Variants in ATP11C observed in about 807,000 individuals in gnomAD.
ATP11C encodes phospholipid-transporting ATPase IG.
A neutral mutation model predicts 97.4 loss-of-function variants in ATP11C; 36 were observed. That is an observed-to-expected ratio of 0.37 (90% CI 0.28 to 0.49). The LOEUF (loss-of-function observed/expected upper bound fraction) is 0.49. ATP11C is among the 20% of genes least tolerant of loss of function. The pLI is 0.98. For synonymous variants in ATP11C, 275 were observed against 290.9 expected, an observed-to-expected ratio of 0.95 and a Z score of 0.56; for missense variants, 730 against 824.6, an observed-to-expected ratio of 0.89 and a Z score of 1.40.
intron 24 of ATP11C, 73 bp downstream of exon 24, chrX:139,749,952 T>C: frequency 2.9e-6 from 3 of 1,033,761 alleles, no homozygotes; most frequent in Non-Finnish European, 4.0e-6. Context: ...TTCTGTGTTC[T>C]TCCCATCTGC....
Position 139,860,754 on chromosome X carries a change from GTTGCAGTGAGCTGAGA to G in ATP11C, c.28-33947_28-33932del, listed in dbSNP as rs200008799. Among the ~76,000 whole-genome samples the G allele has an allele frequency of 3.3e-3, 371 of 112,145 alleles. 2 individuals are homozygous for G. Among genetic ancestry groups the G allele is most frequent in the African/African-American group, 0.01 (316 of 30,823 alleles). ...AATCGCTTGAACCCGGGAGGCAGAG[GTTGCAGTGAGCTGAGA>G]TCACACCACTGCACTCCAGTCTGGG... On this transcript the variant is annotated intron_variant, in intron 1 of 29. Coordinates refer to ENST00000682941, the MANE Select transcript of ATP11C (RefSeq NM_001353812.2).
At chrX:139,798,950 G>A (rs1022756122) in intron 8 of ATP11C, among the ~76,000 whole-genome samples, 4 of 110,930 alleles carry the variant, frequency 3.6e-5, no homozygotes, top group Admixed American at 9.6e-5. Flanking sequence ...AGCACAGTAC[G>A]GGAGTAGCCA....
intron 16 of ATP11C, among the ~76,000 whole-genome samples, 158 bp downstream of exon 16, chrX:139,785,068 A>T (rs1301764544): frequency 8.9e-6 from 1 of 112,130 alleles, no homozygotes; most frequent in African/African-American, 3.2e-5. Flanking sequence ...ATCTGTGCTT[A>T]AAAAAATACA....
At chrX:139,923,741 G>C (rs2085303339) in intron 1 of ATP11C, among the ~76,000 whole-genome samples, 1 of 111,505 alleles carries the variant, frequency 9.0e-6, no homozygotes, top group Non-Finnish European at 1.9e-5. Context: ...TCTACTCCCT[G>C]TCGATATGTG....
chrX:139,921,076 G>A (rs976154006), intron 1 of ATP11C, among the ~76,000 whole-genome samples: 6 of 111,559 alleles, frequency 5.4e-5, no homozygotes, highest in Non-Finnish European at 1.1e-4. Flanking sequence ...TTACTGAACG[G>A]GAAAACTGGA....
chrX:139,918,267 T>C (rs930233182), intron 1 of ATP11C, among the ~76,000 whole-genome samples: 3 of 111,787 alleles, frequency 2.7e-5, no homozygotes, highest in African/African-American at 9.8e-5. Flanking sequence ...TACAGATGAA[T>C]GTATAAACAA....
intron 1 of ATP11C, among the ~76,000 whole-genome samples, chrX:139,918,893 C>A (rs1018410610): frequency 1.1e-4 from 12 of 110,839 alleles, no homozygotes; most frequent in Non-Finnish European, 2.1e-4. Context: ...ATTTGCACTA[C>A]TCTATGCTTT....
intron 16 of ATP11C, 148 bp downstream of exon 16, chrX:139,785,078 A>G (rs191752640): frequency 4.8e-6 from 2 of 418,865 alleles, no homozygotes; most frequent in Admixed American, 4.6e-5. Context: ...AAAAAAATAC[A>G]TGAAAGCATA....
At chrX:139,933,550 G>T (rs769633543), upstream of ATP11C, among the ~76,000 whole-genome samples, 2 of 112,278 alleles carry the variant, frequency 1.8e-5, no homozygotes, top group Non-Finnish European at 3.8e-5. Context: ...CCTTTTCACC[G>T]CCCCTTAAGG....
intron 25 of ATP11C, 89 bp from the exon 26 acceptor site, chrX:139,743,713 C>A: frequency 9.1e-6 from 5 of 552,453 alleles, no homozygotes; most frequent in Non-Finnish European, 1.4e-5. Context: ...AAGTTGAATC[C>A]TGTGTGTAAG....
chrX:139,873,706 C>CAA (rs58064711), intron 1 of ATP11C, among the ~76,000 whole-genome samples: 96 of 17,158 alleles, frequency 5.6e-3, no homozygotes, highest in African/African-American at 6.4e-3. Context: ...GACTCCAACT[C>CAA]AAAAAAAAAA....
At chrX:139,731,777 A>G in intron 28 of ATP11C, 22 bp from the exon 29 acceptor site, 1 of 1,061,094 alleles carries the variant, frequency 9.4e-7, no homozygotes, top group South Asian at 2.2e-5. Flanking sequence ...AGGCAAAGAT[A>G]CTTAAAGCAT....
Position 139,727,147 on chromosome X carries a change from C to G in ATP11C, c.*1819G>C, listed in dbSNP as rs890079942. The G allele has an allele frequency of 8.9e-6, 1 of 112,145 alleles. No homozygotes were observed. The highest frequency in any genetic ancestry group is 1.9e-5 in the Non-Finnish European group (1 of 53,134). 9.2% of individuals were successfully genotyped at this position (112,145 alleles called of 1,213,427 possible). A position where few individuals can be genotyped will look rare whatever the true frequency, so the allele number is the denominator to read the frequency against. On this transcript the variant is annotated 3_prime_UTR_variant, in exon 30 of 30. Transcript: ENST00000682941. ...TCCAATGGTACTGCATTAAACAAGC[C>G]TCTCTACTGTGGCTCTCTTGTCTGT...
intron 1 of ATP11C, among the ~76,000 whole-genome samples, chrX:139,860,639 G>A (rs1414257545): frequency 9.0e-6 from 1 of 111,131 alleles, no homozygotes; most frequent in East Asian, 2.8e-4. Flanking sequence ...CCAACATGGT[G>A]AAACCCCATC....
intron 1 of ATP11C, among the ~76,000 whole-genome samples, chrX:139,877,583 T>C (rs1201665255): frequency 1.8e-5 from 2 of 111,498 alleles, no homozygotes; most frequent in African/African-American, 3.3e-5. Flanking sequence ...GAAGGGGGAA[T>C]GAAAATGTTA....
chrX:139,931,936 A>G, intron 1 of ATP11C, 80 bp downstream of exon 1: 1 of 1,078,620 alleles, frequency 9.3e-7, no homozygotes, highest in Non-Finnish European at 1.2e-6. Flanking sequence ...GCCCCCTCAG[A>G]AAATTGTTGT....
intron 1 of ATP11C, among the ~76,000 whole-genome samples, chrX:139,869,821 T>A (rs868775215): frequency 1.2e-4 from 8 of 67,890 alleles, no homozygotes; most frequent in Non-Finnish European, 1.1e-4. Flanking sequence ...AATAATAATA[T>A]AATATAATAA....
At chrX:139,793,153 G>A (rs2082728555) in intron 12 of ATP11C, among the ~76,000 whole-genome samples, 1 of 111,908 alleles carries the variant, frequency 8.9e-6, no homozygotes, top group South Asian at 3.8e-4. Context: ...TTTGGACACA[G>A]AAGTCTCTGT....
chrX:139,936,340 A>T (rs757756188), upstream of ATP11C, among the ~76,000 whole-genome samples: 26 of 111,188 alleles, frequency 2.3e-4, no homozygotes, highest in African/African-American at 7.2e-4. Context: ...TCCAAAGAAA[A>T]CCCAGGTGTT....
Sources: gnomAD v4.1 joint callset for allele counts (sites outside exome capture counted in the v4.1 genomes callset) on GRCh38, gnomAD v4.1.1 for gene constraint, MANE v1.5 for transcripts, NCBI Gene and HGNC (gene_info 2026-07-23, HGNC 2026-07-21) for gene names.